Variants in TAFA2 observed in about 807,000 individuals in gnomAD.
TAFA2 encodes the protein TAFA chemokine like family member 2.
TAFA2 carries 7 observed loss-of-function variants against 18.8 expected under a neutral mutation model. The observed-to-expected ratio is 0.37, with a 90% CI of 0.21 to 0.70. The LOEUF (loss-of-function observed/expected upper bound fraction) is 0.70, where lower values mean the gene tolerates loss of function less well. Among genes scored for constraint, TAFA2 ranks in the 30% least tolerant of loss-of-function variants. The pLI is 0.53. For missense variants in TAFA2, 122 were observed against 158.1 expected, an observed-to-expected ratio of 0.77 and a Z score of 1.23; for synonymous variants, 60 against 54.2, an observed-to-expected ratio of 1.11 and a Z score of -0.47.
intron 1 of TAFA2, among the ~76,000 whole-genome samples, chr12:62,067,747 G>A (rs1187471541): frequency 6.6e-6 from 1 of 151,886 alleles, no homozygotes; most frequent in Non-Finnish European, 1.5e-5. Flanking sequence ...TTTTTCAATG[G>A]TAAAGTATCA....
intron 1 of TAFA2, among the ~76,000 whole-genome samples, chr12:61,933,879 T>C (rs1565686720): frequency 6.6e-6 from 1 of 152,234 alleles, no homozygotes; most frequent in Non-Finnish European, 1.5e-5. Context: ...AGATGGTATT[T>C]AACAGAAAAG....
Position 61,955,623 on chromosome 12 carries a change from AAAAAAAAAAATATATATATATATATAT to A in TAFA2, c.-1-88224_-1-88198del, listed in dbSNP as rs1224812015. ...CTCAAAAAAAAAAAAAAAAAAAAAA[AAAAAAAAAAATATATATATATATATAT>A]ATATATATATATATATATATTTAAT... is the stretch of plus-strand genomic sequence containing the variant. On this transcript the variant is annotated intron_variant, in intron 1 of 4. Transcript: ENST00000416284. 8.3e-4 allele frequency among the ~76,000 whole-genome samples: 25 copies of A among 29,980 alleles called. 1 individual carries two copies. Among genetic ancestry groups the A allele is most frequent in the African/African-American group, 2.5e-3 (25 of 9,812 alleles). The allele number at this position is 29,980 out of a possible 152,430, so 19.7% of individuals were successfully genotyped here.
chr12:61,907,971 T>G (rs754531720), intron 1 of TAFA2, among the ~76,000 whole-genome samples: 1 of 152,222 alleles, frequency 6.6e-6, no homozygotes, highest in African/African-American at 2.4e-5. Context: ...TATTACCCAA[T>G]GTCTGTACCC....
chr12:62,029,811 A>ATCTCTCTCTC (rs71450570), intron 1 of TAFA2, among the ~76,000 whole-genome samples: 7 of 145,914 alleles, frequency 4.8e-5, no homozygotes, highest in Non-Finnish European at 9.0e-5. Context: ...ATGTCTTCCT[A>ATCTCTCTCTC]TCTCTCTCTC....
chr12:62,145,281 C>T (rs1211892647), intron 1 of TAFA2, among the ~76,000 whole-genome samples: 2 of 152,166 alleles, frequency 1.3e-5, no homozygotes, highest in Non-Finnish European at 2.9e-5. Flanking sequence ...AGAGCAGTAC[C>T]GCCTGAGCTC....
chr12:61,917,778 C>T (rs918872427), intron 1 of TAFA2, among the ~76,000 whole-genome samples: 2 of 152,198 alleles, frequency 1.3e-5, no homozygotes, highest in Non-Finnish European at 2.9e-5. Flanking sequence ...ACATCAGCCA[C>T]AGATCTTATG....
chr12:62,000,791 C>A (rs1261458049), intron 1 of TAFA2, among the ~76,000 whole-genome samples: 6 of 152,154 alleles, frequency 3.9e-5, no homozygotes, highest in Non-Finnish European at 8.8e-5. Context: ...TTCTCACCAA[C>A]ATGTTAAGCA....
intron 4 of TAFA2, among the ~76,000 whole-genome samples, chr12:61,745,945 A>G (rs1868685408): frequency 6.6e-6 from 1 of 152,126 alleles, no homozygotes; most frequent in Non-Finnish European, 1.5e-5. Flanking sequence ...GACAGACTCA[A>G]CATGCCATTG....
chr12:61,764,166 G>A (rs1053132216), intron 2 of TAFA2, among the ~76,000 whole-genome samples: 1 of 151,652 alleles, frequency 6.6e-6, no homozygotes, highest in African/African-American at 2.4e-5. Context: ...TTCAAATGAT[G>A]ACCCTAAGTC....
chr12:61,979,030 G>A (rs1258284213), intron 1 of TAFA2, among the ~76,000 whole-genome samples: 6 of 152,012 alleles, frequency 3.9e-5, no homozygotes, highest in African/African-American at 7.2e-5. Flanking sequence ...GGAATAATAC[G>A]CATTGCTTCT....
At chr12:61,926,299 A>G (rs571677228) in intron 1 of TAFA2, among the ~76,000 whole-genome samples, 10 of 152,252 alleles carry the variant, frequency 6.6e-5, no homozygotes, top group Non-Finnish European at 1.2e-4. Flanking sequence ...TTCTGAAACT[A>G]TTCCAAACAA....
At chr12:62,222,600 C>T (rs545507628) in intron 1 of TAFA2, among the ~76,000 whole-genome samples, 1 of 151,984 alleles carries the variant, frequency 6.6e-6, no homozygotes, top group East Asian at 1.9e-4. Flanking sequence ...CTCCACCTCC[C>T]GGGTCATGCC....
chr12:62,100,688 G>A (rs74402132), intron 1 of TAFA2, among the ~76,000 whole-genome samples: 1 of 152,148 alleles, frequency 6.6e-6, no homozygotes, highest in African/African-American at 2.4e-5. Context: ...GTCAAGCACT[G>A]CACTAGGCAC....
intron 4 of TAFA2, among the ~76,000 whole-genome samples, chr12:61,733,165 G>A (rs1249728696): frequency 1.3e-5 from 2 of 152,094 alleles, no homozygotes; most frequent in Non-Finnish European, 2.9e-5. Flanking sequence ...GTAGATTCTG[G>A]ATATTAGCCC....
chr12:61,914,541 C>A (rs1381984597), intron 1 of TAFA2, among the ~76,000 whole-genome samples: 2 of 152,156 alleles, frequency 1.3e-5, no homozygotes, highest in Non-Finnish European at 1.5e-5. Flanking sequence ...CAGTTAAAGT[C>A]TCTCTTGGCC....
intron 1 of TAFA2, among the ~76,000 whole-genome samples, chr12:62,027,652 G>A (rs566940281): frequency 6.6e-6 from 1 of 152,158 alleles, no homozygotes; most frequent in Non-Finnish European, 1.5e-5. Flanking sequence ...AACCTCCTTT[G>A]TGGCACTTTG....
At chr12:62,072,041 A>G (rs962191745) in intron 1 of TAFA2, among the ~76,000 whole-genome samples, 2 of 152,198 alleles carry the variant, frequency 1.3e-5, no homozygotes, top group African/African-American at 2.4e-5. Context: ...ATTTTTTCAC[A>G]CTCATTTTTC....
intron 1 of TAFA2, among the ~76,000 whole-genome samples, chr12:62,157,450 A>G (rs534427765): frequency 1.3e-5 from 2 of 152,180 alleles, no homozygotes; most frequent in South Asian, 2.1e-4. Context: ...GTGTCAGAGT[A>G]GTCAGGAATC....
At chr12:62,214,468 C>T (rs766906781) in intron 1 of TAFA2, among the ~76,000 whole-genome samples, 1 of 152,150 alleles carries the variant, frequency 6.6e-6, no homozygotes, top group African/African-American at 2.4e-5. Flanking sequence ...TCCATTAAAC[C>T]ATTTTTTCTT....
Sources: allele counts gnomAD v4.1 joint callset (sites outside exome capture counted in the v4.1 genomes callset), GRCh38; gene constraint gnomAD v4.1.1; transcripts MANE v1.5; gene names NCBI Gene and HGNC (gene_info 2026-07-23, HGNC 2026-07-21).